ATG2B: variants seen among roughly 807,000 people sequenced by gnomAD.
ATG2B encodes autophagy related 2B, also known as autophagy-related protein 2 homolog B.
A neutral mutation model predicts 241.3 loss-of-function variants in ATG2B; 121 were observed. The ratio of observed to expected loss-of-function variants is 0.50; its 90% CI spans 0.43 to 0.58. The LOEUF (loss-of-function observed/expected upper bound fraction) is 0.58, where lower values mean the gene tolerates loss of function less well. Among genes scored for constraint, ATG2B ranks in the 20% least tolerant of loss-of-function variants. The probability of loss-of-function intolerance (pLI) is 0.00; values close to 1 mark genes in which losing one functional copy is unlikely to be tolerated. For synonymous variants in ATG2B, 858 were observed against 876.6 expected, an observed-to-expected ratio of 0.98 and a Z score of 0.37; for missense variants, 2,306 against 2,491.6, an observed-to-expected ratio of 0.93 and a Z score of 1.59.
chr14:96,326,260 T>C (rs1415077740), intron 14 of ATG2B, among the ~76,000 whole-genome samples: 1 of 152,186 alleles, frequency 6.6e-6, no homozygotes, highest in Admixed American at 6.5e-5. Flanking sequence ...TACCAACAAA[T>C]TCAATACGGT....
intron 1 of ATG2B, among the ~76,000 whole-genome samples, chr14:96,355,128 A>C (rs1034233013): frequency 1.3e-5 from 2 of 152,160 alleles, no homozygotes; most frequent in African/African-American, 2.4e-5. Context: ...TGCTGTGCAG[A>C]AGCTCTTTAA....
intron 34 of ATG2B, among the ~76,000 whole-genome samples, chr14:96,296,748 G>A (rs1399758051): frequency 1.4e-5 from 2 of 145,736 alleles, no homozygotes; most frequent in Non-Finnish European, 3.0e-5. Flanking sequence ...GCGACAGTGC[G>A]AGACACTGTC....
intron 12 of ATG2B, among the ~76,000 whole-genome samples, 161 bp from the exon 13 acceptor site, chr14:96,328,927 CAT>C (rs1262786972): frequency 6.6e-6 from 1 of 152,132 alleles, no homozygotes; most frequent in African/African-American, 2.4e-5. Context: ...TTAGTTAACT[CAT>C]GTGATATCTC....
intron 21 of ATG2B, among the ~76,000 whole-genome samples, chr14:96,316,112 A>C (rs979437000): frequency 6.6e-6 from 1 of 152,222 alleles, no homozygotes; most frequent in African/African-American, 2.4e-5. Context: ...TTCCATTTAT[A>C]AGAAACTTCT....
In ATG2B at chr14:96,297,255, C is replaced by CA. The variant is rs200388876; in HGVS notation, c.5140-1696dup. On this transcript the variant is annotated intron_variant, in intron 34 of 41. Transcript: ENST00000359933. ...AATGGTGGGACTCCATGATTACCTT[C>CA]AAAAAAACAGCAAATTTTCAGGTAT... Among the ~76,000 whole-genome samples, 647 of 147,962 alleles carry CA rather than the reference C, an allele frequency of 4.4e-3. 26 individuals are homozygous for CA. The South Asian group carries it at 0.067, about 15-fold the overall frequency.
chr14:96,323,915 C>T lies in ATG2B; in HGVS notation c.2521G>A (p.Asp841Asn), dbSNP rs1047990257. ...ACTCACCGTGGCCAGTCAAAGTCAT[C>T]TGACGATGTTGTATCTCCATCTACT... ...SGVDGDTTSS[D>N]DFDWPRIVLK... The change falls in exon 16 of 42, where the codon GAT (aspartate) becomes AAT (asparagine). Residue 841 changes from aspartate (D) to asparagine (N), a missense_variant. This residue lies in a region of ATG2B where 1,927 missense variants were observed against 2,011.2 expected (regional missense o/e 0.96). Transcript: ENST00000359933. 4 of 1,609,626 alleles carry T rather than the reference C, an allele frequency of 2.5e-6. No individual in the cohort carries two copies. Among genetic ancestry groups the T allele is most frequent in the African/African-American group, 2.7e-5 (2 of 74,638 alleles).
chr14:96,286,119 A>G, intron 41 of ATG2B, 134 bp from the exon 42 acceptor site: 1 of 619,808 alleles, frequency 1.6e-6, no homozygotes, highest in South Asian at 2.3e-5. Context: ...AAAAAATGCC[A>G]TGCTTTTAGA....
At chr14:96,357,804 T>A (rs2139912649) in intron 1 of ATG2B, among the ~76,000 whole-genome samples, 1 of 152,332 alleles carries the variant, frequency 6.6e-6, no homozygotes, top group South Asian at 2.1e-4. Flanking sequence ...ACTAAAAGTT[T>A]GAAACTTTTG....
Position 96,329,515 on chromosome 14 carries a change from T to A in ATG2B, c.1850A>T (p.Asp617Val). Residue 617 changes from aspartate (D) to valine (V), a missense_variant, in exon 12 of 42, where the codon GAT (aspartate) becomes GTT (valine). Around this residue, in one of 2 missense-constraint regions of ATG2B, gnomAD observed 1,927 missense variants for 2,011.2 expected, o/e 0.96. Coordinates refer to ENST00000359933, the MANE Select transcript of ATG2B (RefSeq NM_018036.7). ...MEFLECLFPTDFHSVPPHYTE... is the reference protein window; with the variant it reads ...MEFLECLFPTVFHSVPPHYTE... ...ATAGTGAGGAGGAACAGAATGAAAA[T>A]CAGTTGGAAATAGGCACTCCAAAAA... The A allele has an allele frequency of 3.1e-6, 5 of 1,612,104 alleles. No homozygotes were observed. The highest frequency in any genetic ancestry group is 4.2e-6 in the Non-Finnish European group (5 of 1,178,826).
At chr14:96,356,509 G>C (rs1888479919) in intron 1 of ATG2B, among the ~76,000 whole-genome samples, 1 of 152,058 alleles carries the variant, frequency 6.6e-6, no homozygotes, top group Non-Finnish European at 1.5e-5. Flanking sequence ...TTTGGGGGCT[G>C]GCTCATAGAA....
rs975253185 is a variant in ATG2B at position 96,343,740 on chromosome 14, T to C, written c.582-459A>G. Among the ~76,000 whole-genome samples, 70 of 152,242 alleles carry C rather than the reference T, an allele frequency of 4.6e-4. 1 individual carries two copies. The highest frequency in any genetic ancestry group is 4.6e-4 in the Admixed American group (7 of 15,282). ...GGCTCCAAGTCACAAATGACGTTTCTTGAATTCCTATATGTGACTAATTTT... is the reference window on the plus strand; with the variant it reads ...GGCTCCAAGTCACAAATGACGTTTCCTGAATTCCTATATGTGACTAATTTT... On this transcript the variant is annotated intron_variant, in intron 4 of 41. Transcript: ENST00000359933.
At chr14:96,355,932 G>A (rs1307615924) in intron 1 of ATG2B, among the ~76,000 whole-genome samples, 2 of 152,112 alleles carry the variant, frequency 1.3e-5, no homozygotes, top group Non-Finnish European at 2.9e-5. Flanking sequence ...AGCACTTTGA[G>A]AGGCAGAGGC....
chr14:96,301,660 G>T lies in ATG2B; in HGVS notation c.5139+347C>A, dbSNP rs1188428252. ...AGAATTCTCTTCCAGATGCTGCAAT[G>T]AAGACAGAGCAGCATTCAATTCATC... is the stretch of plus-strand genomic sequence containing the variant. On this transcript the variant is annotated intron_variant, in intron 34 of 41. Coordinates refer to ENST00000359933, the MANE Select transcript of ATG2B (RefSeq NM_018036.7). Among the ~76,000 whole-genome samples, 4 of 152,166 alleles carry T rather than the reference G, an allele frequency of 2.6e-5. No homozygotes were observed. In the East Asian group the frequency reaches 7.7e-4, roughly 29 times the overall value.
At chr14:96,348,832 G>A (rs1449401825) in intron 1 of ATG2B, among the ~76,000 whole-genome samples, 2 of 152,148 alleles carry the variant, frequency 1.3e-5, no homozygotes, top group Non-Finnish European at 2.9e-5. Flanking sequence ...TTACCCTGAT[G>A]TAATTATTAG....
intron 1 of ATG2B, 64 bp downstream of exon 1, chr14:96,362,751 A>G (rs1888698046): frequency 2.6e-6 from 4 of 1,512,664 alleles, no homozygotes; most frequent in Non-Finnish European, 3.6e-6. Flanking sequence ...CTTGGATGGC[A>G]CTGGTTCAAA....
intron 2 of ATG2B, among the ~76,000 whole-genome samples, chr14:96,346,972 T>C (rs1428596423): frequency 6.6e-6 from 1 of 152,226 alleles, no homozygotes; most frequent in Non-Finnish European, 1.5e-5. Context: ...AAACAATCTG[T>C]ATACTAAAGT....
Position 96,289,456 on chromosome 14 carries a change from G to A in ATG2B, c.6006+200C>T. 1 of 558,604 alleles carries A rather than the reference G, an allele frequency of 1.8e-6. No individual in the cohort carries two copies. The allele number at this position is 558,604 out of a possible 1,614,324, so 34.6% of individuals were successfully genotyped here. On this transcript the variant is annotated intron_variant, in intron 41 of 41. Coordinates refer to ENST00000359933, the MANE Select transcript of ATG2B (RefSeq NM_018036.7). This position sits in a 1 kb window ranked among gnomAD's most constrained non-coding sequence, Gnocchi z 4.3. ...AATCCATCCACCCACGCAATCACTA[G>A]TATTCCTGTCAGCCTATTGGTCCCA...
Position 96,323,929 on chromosome 14 carries a change from T to C in ATG2B, c.2507A>G (p.Asp836Gly). The C allele has an allele frequency of 6.2e-7, 1 of 1,612,324 alleles. No individual in the cohort carries two copies. Among genetic ancestry groups the C allele is most frequent in the East Asian group, 2.2e-5 (1 of 44,806 alleles). ...FFHVSSGVDG[D>G]TTSSDDFDWP... The stretch of plus-strand genomic sequence containing the variant: ...GTCAAAGTCATCTGACGATGTTGTA[T>C]CTCCATCTACTCCACTAGACACATG... Residue 836 changes from aspartate (D) to glycine (G), a missense_variant, in exon 16 of 42, where the codon GAT (aspartate) becomes GGT (glycine). Transcript: ENST00000359933.
intron 6 of ATG2B, among the ~76,000 whole-genome samples, chr14:96,338,163 T>A (rs1398504286): frequency 6.6e-6 from 1 of 152,150 alleles, no homozygotes; most frequent in African/African-American, 2.4e-5. Flanking sequence ...CTGAATTCAT[T>A]GATCAGATCT....
Sources: gnomAD v4.1 joint callset for allele counts (sites outside exome capture counted in the v4.1 genomes callset) on GRCh38, gnomAD v4.1.1 for gene constraint, gnomAD v4.1.1 regional missense constraint, Gnocchi (gnomAD v3.1) non-coding constraint, MANE v1.5 for transcripts, NCBI Gene and HGNC (gene_info 2026-07-23, HGNC 2026-07-21) for gene names.